The following AXDND1 variants were observed in gnomAD, a reference collection of about 807,000 sequenced individuals.
AXDND1 encodes the protein axonemal dynein light chain domain containing 1.
In AXDND1, 110 loss-of-function variants were observed where a neutral mutation model predicts 137.5. The ratio of observed to expected loss-of-function variants is 0.80; its 90% CI spans 0.69 to 0.94. AXDND1 has a LOEUF of 0.94. AXDND1 is among the 40% of genes least tolerant of loss of function. The probability of loss-of-function intolerance (pLI) is 0.00; values close to 1 mark genes in which losing one functional copy is unlikely to be tolerated. For synonymous variants in AXDND1, 414 were observed against 399.7 expected (o/e 1.04, Z -0.43); for missense variants, 1,191 against 1,169.8 (o/e 1.02, Z -0.26).
At chr1:179,532,288 C>G (rs542943514) in intron 23 of AXDND1, among the ~76,000 whole-genome samples, 2 of 152,230 alleles carry the variant, frequency 1.3e-5, no homozygotes, top group Non-Finnish European at 2.9e-5. Context: ...CTCAAATGCA[C>G]GCAGGTAGTA....
chr1:179,443,033 G>A (rs1659228657), intron 15 of AXDND1, among the ~76,000 whole-genome samples: 1 of 152,150 alleles, frequency 6.6e-6, no homozygotes, highest in Non-Finnish European at 1.5e-5. Context: ...TGGGCCATTT[G>A]GTTCACAGCA....
At chr1:179,456,393 C>T (rs1220489539) in intron 16 of AXDND1, 7 of 783,836 alleles carry the variant, frequency 8.9e-6, no homozygotes, top group Non-Finnish European at 1.6e-5. Context: ...GTTGTAATTG[C>T]CAAAATCATT....
intron 18 of AXDND1, among the ~76,000 whole-genome samples, chr1:179,487,995 C>CAA (rs71114524): frequency 3.8e-4 from 39 of 101,436 alleles, no homozygotes; most frequent in African/African-American, 4.5e-4. Flanking sequence ...GACCATGTCT[C>CAA]AAAAAAAAAA....
At chr1:179,483,283 A>T (rs924441795) in intron 18 of AXDND1, 62 bp downstream of exon 18, 2 of 1,106,558 alleles carry the variant, frequency 1.8e-6, no homozygotes, top group Non-Finnish European at 2.6e-6. Flanking sequence ...TTCTTCAAGG[A>T]AAAATAATGC....
intron 17 of AXDND1, among the ~76,000 whole-genome samples, chr1:179,475,624 CTG>C (rs1306782901): frequency 6.6e-6 from 1 of 152,188 alleles, no homozygotes; most frequent in Admixed American, 6.5e-5. Flanking sequence ...AAGGAATTAA[CTG>C]TTTTTTTTAT....
At chr1:179,389,470 A>G (rs1345642692) in intron 9 of AXDND1, among the ~76,000 whole-genome samples, 1 of 152,138 alleles carries the variant, frequency 6.6e-6, no homozygotes, top group Non-Finnish European at 1.5e-5. Context: ...CTTTCTGGAA[A>G]AAGAAGATTT....
At chr1:179,371,052 G>A in intron 4 of AXDND1, among the ~76,000 whole-genome samples, 1 of 152,100 alleles carries the variant, frequency 6.6e-6, no homozygotes, top group East Asian at 1.9e-4. Context: ...ATTATTGGTA[G>A]CAATAATTAG....
In AXDND1 at chr1:179,526,218, CA is replaced by C. The variant is rs767068333; in HGVS notation, c.2610+772del. 5.3e-5 allele frequency among the ~76,000 whole-genome samples: 8 copies of C among 151,956 alleles called. No individual in the cohort carries two copies. The South Asian group carries it at 1.7e-3, about 32-fold the overall frequency. On this transcript the variant is annotated intron_variant, in intron 22 of 25. Coordinates refer to ENST00000367618, the MANE Select transcript of AXDND1 (RefSeq NM_144696.6). ...TCTCTTTACCCCGTCTCAACCCCCG[CA>C]GGGGCATTTGTAGTAATAAAAACCC... is the stretch of plus-strand genomic sequence containing the variant.
intron 11 of AXDND1, among the ~76,000 whole-genome samples, chr1:179,405,780 T>C (rs1652866467): frequency 6.6e-6 from 1 of 152,050 alleles, no homozygotes; most frequent in Non-Finnish European, 1.5e-5. Context: ...GTAGTCTAGC[T>C]AGAAGTTTAT....
intron 15 of AXDND1, among the ~76,000 whole-genome samples, chr1:179,433,843 T>C (rs1292671669): frequency 6.6e-6 from 1 of 152,140 alleles, no homozygotes; most frequent in African/African-American, 2.4e-5. Context: ...TGATTTGGGG[T>C]TGAGAGTTCT....
intron 21 of AXDND1, among the ~76,000 whole-genome samples, chr1:179,515,780 C>G (rs967477814): frequency 1.3e-5 from 2 of 151,890 alleles, no homozygotes; most frequent in African/African-American, 4.8e-5. Context: ...ATTTTTTTTA[C>G]TCATCATATT....
chr1:179,422,227 C>A (rs369451244), intron 12 of AXDND1, among the ~76,000 whole-genome samples: 2 of 138,664 alleles, frequency 1.4e-5, no homozygotes, highest in East Asian at 2.0e-4. Context: ...GTCTTTCTAT[C>A]ATTTTGATAT....
intron 17 of AXDND1, among the ~76,000 whole-genome samples, chr1:179,480,712 A>C (rs1665258698): frequency 6.6e-6 from 1 of 151,990 alleles, no homozygotes; most frequent in Non-Finnish European, 1.5e-5. Flanking sequence ...TACTGTAGCA[A>C]CTTTGGTTGC....
chr1:179,392,531 G>T (rs1650363512), intron 9 of AXDND1, among the ~76,000 whole-genome samples: 1 of 152,196 alleles, frequency 6.6e-6, no homozygotes, highest in African/African-American at 2.4e-5. Flanking sequence ...TCTACTTTTA[G>T]TTCTTTGAAG....
intron 20 of AXDND1, among the ~76,000 whole-genome samples, chr1:179,506,579 A>C (rs1668555128): frequency 6.6e-6 from 1 of 152,154 alleles, no homozygotes; most frequent in Non-Finnish European, 1.5e-5. Context: ...TGAAAATTCA[A>C]AAATTAGCCG....
At chr1:179,439,585 G>T (rs1658687878) in intron 15 of AXDND1, among the ~76,000 whole-genome samples, 1 of 128,804 alleles carries the variant, frequency 7.8e-6, no homozygotes. Flanking sequence ...CTCTGCACAG[G>T]GAAAACATAC....
intron 16 of AXDND1, chr1:179,451,538 A>G (rs1394363277): frequency 2.0e-5 from 3 of 151,978 alleles, no homozygotes; most frequent in African/African-American, 4.8e-5. Flanking sequence ...TTGTTTTTCT[A>G]TTCTCTATTA....
intron 10 of AXDND1, among the ~76,000 whole-genome samples, chr1:179,394,397 T>C (rs12728498): frequency 0.29 from 44,049 of 151,728 alleles, 6,577 homozygotes; most frequent in Non-Finnish European, 0.31. Context: ...GAGACCAGCC[T>C]GGCCAACATG....
intron 25 of AXDND1, chr1:179,551,291 T>C (rs763910712): frequency 6.2e-7 from 1 of 1,613,896 alleles, no homozygotes; most frequent in Non-Finnish European, 8.5e-7. Flanking sequence ...ATTCAGTAGG[T>C]CAAATGGCAA....
Sources: gnomAD v4.1 joint callset for allele counts (sites outside exome capture counted in the v4.1 genomes callset) on GRCh38, gnomAD v4.1.1 for gene constraint, MANE v1.5 for transcripts, NCBI Gene and HGNC (gene_info 2026-07-23, HGNC 2026-07-21) for gene names.